GRM8: variants seen among roughly 807,000 people sequenced by gnomAD.
The protein encoded by GRM8 is metabotropic glutamate receptor 8.
GRM8 carries 47 observed loss-of-function variants against 87.2 expected under a neutral mutation model. The ratio of observed to expected loss-of-function variants is 0.54; its 90% confidence interval spans 0.43 to 0.69. GRM8 has a LOEUF of 0.69. Among genes scored for constraint, GRM8 ranks in the 30% least tolerant of loss-of-function variants. The probability of loss-of-function intolerance (pLI) is 0.00; values close to 1 mark genes in which losing one functional copy is unlikely to be tolerated. For synonymous variants in GRM8, 396 were observed against 404.5 expected (o/e 0.98, Z 0.25); for missense variants, 1,019 against 1,139.2 (o/e 0.89, Z 1.52).
chr7:126,669,890 G>A (rs1206464636), intron 7 of GRM8, among the ~76,000 whole-genome samples: 1 of 152,150 alleles, frequency 6.6e-6, no homozygotes, highest in African/African-American at 2.4e-5. Context: ...ATAAGAGAAA[G>A]CCGAAGGTTC....
intron 7 of GRM8, among the ~76,000 whole-genome samples, chr7:126,730,130 CA>C (rs1281719891): frequency 6.6e-6 from 1 of 152,090 alleles, no homozygotes; most frequent in African/African-American, 2.4e-5. Context: ...GTCTTCTATT[CA>C]GATCAGACTA....
intron 2 of GRM8, among the ~76,000 whole-genome samples, chr7:127,166,811 T>A (rs1387590509): frequency 6.6e-6 from 1 of 152,124 alleles, no homozygotes; most frequent in Non-Finnish European, 1.5e-5. Flanking sequence ...TGTTCTAGTT[T>A]AAATTTTTTT....
chr7:126,842,110 G>A (rs553951414), intron 6 of GRM8, among the ~76,000 whole-genome samples: 1 of 152,202 alleles, frequency 6.6e-6, no homozygotes, highest in East Asian at 1.9e-4. Flanking sequence ...ATTTAAATAT[G>A]GTTTCTCTGC....
chr7:126,789,054 T>C (rs1048319977), intron 6 of GRM8, among the ~76,000 whole-genome samples: 12 of 152,182 alleles, frequency 7.9e-5, no homozygotes, highest in South Asian at 2.1e-4. Flanking sequence ...CAAATGACTA[T>C]AGACAGGAAA....
At chr7:126,869,422 G>C (rs754475624) in intron 6 of GRM8, 2 of 152,172 alleles carry the variant, frequency 1.3e-5, no homozygotes, top group Non-Finnish European at 2.9e-5. Flanking sequence ...TTTCTAGAAT[G>C]TTTTCAATGT....
chr7:127,180,472 G>T (rs1794372090), intron 2 of GRM8, among the ~76,000 whole-genome samples: 2 of 152,038 alleles, frequency 1.3e-5, no homozygotes, highest in Admixed American at 1.3e-4. Context: ...GACAGAGAAA[G>T]AAGGACTCCT....
At chr7:126,891,948 C>T (rs1325714072) in intron 6 of GRM8, among the ~76,000 whole-genome samples, 3 of 148,962 alleles carry the variant, frequency 2.0e-5, no homozygotes, top group African/African-American at 7.5e-5. Context: ...TGCCAGATGC[C>T]ACCCAAGGCA....
chr7:126,676,864 A>T (rs527381475), intron 7 of GRM8, among the ~76,000 whole-genome samples: 1 of 152,194 alleles, frequency 6.6e-6, no homozygotes, highest in South Asian at 2.1e-4. Context: ...AAAAAGAAAT[A>T]AATGAGGCCT....
chr7:126,841,660 C>T (rs1268310670), intron 6 of GRM8, among the ~76,000 whole-genome samples: 3 of 150,704 alleles, frequency 2.0e-5, no homozygotes, highest in African/African-American at 7.3e-5. Context: ...TGGACTCTCG[C>T]TCTATCACCC....
chr7:126,548,152 A>T (rs1026719204), intron 8 of GRM8, among the ~76,000 whole-genome samples: 4 of 151,974 alleles, frequency 2.6e-5, no homozygotes, highest in Admixed American at 2.6e-4. Flanking sequence ...AACATCACAC[A>T]CTGGGGCCTG....
At chr7:126,937,541 G>A (rs1666059784) in intron 3 of GRM8, among the ~76,000 whole-genome samples, 1 of 152,194 alleles carries the variant, frequency 6.6e-6, no homozygotes, top group Non-Finnish European at 1.5e-5. Context: ...ACCCACCACA[G>A]ATGTGGCCAC....
chr7:127,145,588 C>G (rs1044636792), intron 2 of GRM8, among the ~76,000 whole-genome samples: 3 of 152,040 alleles, frequency 2.0e-5, no homozygotes, highest in African/African-American at 4.8e-5. Context: ...CTAGGGGTAG[C>G]TAATTGTGTC....
At chr7:126,650,475 T>G (rs895696088) in intron 7 of GRM8, among the ~76,000 whole-genome samples, 1 of 152,154 alleles carries the variant, frequency 6.6e-6, no homozygotes, top group Admixed American at 6.5e-5. Flanking sequence ...AAGGGAAATC[T>G]TCCCCTGTGG....
chr7:126,586,681 C>A (rs1405297737), intron 8 of GRM8, among the ~76,000 whole-genome samples: 2 of 152,122 alleles, frequency 1.3e-5, no homozygotes, highest in Admixed American at 6.6e-5. Flanking sequence ...AAAATTAAAT[C>A]AAGATGGATT....
intron 3 of GRM8, among the ~76,000 whole-genome samples, chr7:127,104,964 G>A (rs1389423323): frequency 3.3e-5 from 5 of 152,150 alleles, no homozygotes; most frequent in Non-Finnish European, 7.4e-5. Flanking sequence ...TCTATCTCAT[G>A]CACACAAAAT....
At chr7:126,696,748 G>A (rs1394081914) in intron 7 of GRM8, among the ~76,000 whole-genome samples, 2 of 152,146 alleles carry the variant, frequency 1.3e-5, no homozygotes, top group African/African-American at 4.8e-5. Flanking sequence ...GACAGACAGA[G>A]GCTGAAGAAA....
chr7:126,627,539 T>C (rs1800826154), intron 7 of GRM8, among the ~76,000 whole-genome samples: 1 of 152,216 alleles, frequency 6.6e-6, no homozygotes, highest in Non-Finnish European at 1.5e-5. Flanking sequence ...TAAATATTTT[T>C]TTCTTCTTTT....
chr7:126,486,772 A>C (rs540614345), intron 9 of GRM8, among the ~76,000 whole-genome samples: 1 of 152,234 alleles, frequency 6.6e-6, no homozygotes, highest in East Asian at 1.9e-4. Flanking sequence ...AACAAGGAAT[A>C]CATTTTATGA....
intron 6 of GRM8, among the ~76,000 whole-genome samples, chr7:126,815,087 G>C (rs774045882): frequency 2.0e-5 from 3 of 152,122 alleles, no homozygotes; most frequent in Non-Finnish European, 4.4e-5. Flanking sequence ...CAGGAAGACA[G>C]TAATAGAGAT....
Sources: gnomAD v4.1 joint callset for allele counts (sites outside exome capture counted in the v4.1 genomes callset) on GRCh38, gnomAD v4.1.1 for gene constraint, MANE v1.5 for transcripts, NCBI Gene and HGNC (gene_info 2026-07-23, HGNC 2026-07-21) for gene names.